Variants in ZSWIM5 observed in about 807,000 individuals in gnomAD.
The protein encoded by ZSWIM5 is zinc finger SWIM-type containing 5, also known as zinc finger SWIM domain-containing protein 5.
ZSWIM5 carries 55 observed loss-of-function variants against 119.6 expected under a neutral mutation model. The ratio of observed to expected loss-of-function variants is 0.46; its 90% CI spans 0.37 to 0.58. ZSWIM5 has a LOEUF of 0.58. Ranked by LOEUF, ZSWIM5 falls within the 20% of genes least tolerant of loss-of-function variation. The pLI is 0.00. For missense variants in ZSWIM5, 1,193 were observed against 1,512.8 expected (o/e 0.79, Z 3.51); for synonymous variants, 537 against 606.9 (o/e 0.88, Z 1.69).
At chr1:45,100,351 G>A (rs1272184476) in intron 1 of ZSWIM5, among the ~76,000 whole-genome samples, 1 of 152,092 alleles carries the variant, frequency 6.6e-6, no homozygotes, top group Non-Finnish European at 1.5e-5. Flanking sequence ...GGGATGTGAA[G>A]GACCTCTTCA....
At chr1:45,144,254 A>G (rs1274812828) in intron 1 of ZSWIM5, among the ~76,000 whole-genome samples, 1 of 152,104 alleles carries the variant, frequency 6.6e-6, no homozygotes, top group African/African-American at 2.4e-5. Context: ...GCAGCCAGGC[A>G]TGGTGGTTCA....
At chr1:45,078,201 A>T (rs1645267069) in intron 2 of ZSWIM5, among the ~76,000 whole-genome samples, 1 of 152,238 alleles carries the variant, frequency 6.6e-6, no homozygotes, top group Non-Finnish European at 1.5e-5. Flanking sequence ...TTACAAAACT[A>T]TTAATTTGGG....
intron 2 of ZSWIM5, among the ~76,000 whole-genome samples, chr1:45,084,173 G>A (rs971266510): frequency 5.3e-5 from 8 of 152,164 alleles, no homozygotes; most frequent in Non-Finnish European, 7.3e-5. Flanking sequence ...GCTTCCCAAA[G>A]TACTGAGATT....
At chr1:45,125,765 C>CAA (rs77954473) in intron 1 of ZSWIM5, among the ~76,000 whole-genome samples, 1,697 of 111,884 alleles carry the variant, frequency 0.015, 32 homozygotes, top group African/African-American at 0.049. Context: ...CTCCGTTTCA[C>CAA]AAAAAAAAAA....
At chr1:45,152,407 G>A (rs1645802870) in intron 1 of ZSWIM5, among the ~76,000 whole-genome samples, 1 of 152,122 alleles carries the variant, frequency 6.6e-6, no homozygotes, top group South Asian at 2.1e-4. Context: ...AGAACCATCA[G>A]GAGTTGGTGA....
At chr1:45,039,496 G>A (rs1422430121) in intron 7 of ZSWIM5, among the ~76,000 whole-genome samples, 3 of 147,376 alleles carry the variant, frequency 2.0e-5, no homozygotes, top group Non-Finnish European at 4.5e-5. Context: ...AACAATTCTC[G>A]TGCCTCAGCC....
At chr1:45,126,284 C>A (rs1301572839) in intron 1 of ZSWIM5, among the ~76,000 whole-genome samples, 3 of 150,514 alleles carry the variant, frequency 2.0e-5, no homozygotes, top group African/African-American at 7.3e-5. Context: ...GATAAACCTT[C>A]AGCAAGAATG....
intron 2 of ZSWIM5, chr1:45,069,839 C>T: frequency 3.1e-6 from 1 of 317,836 alleles, no homozygotes. Context: ...CAATATGCTT[C>T]CTGTTTTTTC....
chr1:45,075,152 T>C (rs1173990247), intron 2 of ZSWIM5, among the ~76,000 whole-genome samples: 1 of 152,006 alleles, frequency 6.6e-6, no homozygotes, highest in East Asian at 1.9e-4. Flanking sequence ...TTGAGAATAA[T>C]CCATGTGCTG....
chr1:45,025,763 T>C (rs1644916955), intron 11 of ZSWIM5, among the ~76,000 whole-genome samples: 1 of 152,190 alleles, frequency 6.6e-6, no homozygotes, highest in Non-Finnish European at 1.5e-5. Context: ...TTGTGAGCAA[T>C]ATGTACAATC....
chr1:45,180,227 C>A (rs1312910874), intron 1 of ZSWIM5, among the ~76,000 whole-genome samples: 1 of 151,692 alleles, frequency 6.6e-6, no homozygotes, highest in African/African-American at 2.4e-5. Context: ...GCCACTCCCA[C>A]CCGAATACTG....
chr1:45,060,011 A>G, intron 3 of ZSWIM5, 88 bp downstream of exon 3: 1 of 1,474,472 alleles, frequency 6.8e-7, no homozygotes, highest in Non-Finnish European at 9.3e-7. Flanking sequence ...AGCTAGGTAT[A>G]ATGCATGAAG....
At chr1:45,035,621 C>G (rs1557742475) in intron 10 of ZSWIM5, 67 bp downstream of exon 10, 2 of 1,564,980 alleles carry the variant, frequency 1.3e-6, no homozygotes, top group Non-Finnish European at 1.7e-6. Context: ...GTGAAATAAG[C>G]AATGAAAAAG....
intron 1 of ZSWIM5, among the ~76,000 whole-genome samples, chr1:45,159,079 C>T (rs1645847826): frequency 6.6e-6 from 1 of 152,048 alleles, no homozygotes; most frequent in African/African-American, 2.4e-5. Context: ...ATTTCACCTC[C>T]TATAGAGATT....
chr1:45,060,212 C>A lies in ZSWIM5; in HGVS notation c.988G>T (p.Asp330Tyr). 2 of 1,614,086 alleles carry A rather than the reference C, an allele frequency of 1.2e-6. No individual in the cohort carries two copies. Among genetic ancestry groups the A allele is most frequent in the Non-Finnish European group, 1.7e-6 (2 of 1,180,026 alleles). The change falls in exon 3 of 14, where the codon GAT becomes TAT. Residue 330 changes from aspartate to tyrosine, a missense_variant. Transcript: ENST00000359600. ...PDPTAGASID[D>Y]ENCWHLDEEQ... The stretch of plus-strand genomic sequence containing the variant: ...TCATCCAAATGCCAACAGTTCTCAT[C>A]GTCAATGCTGGCCCCAGCTGTGGGG...
chr1:45,078,301 G>A (rs948357620), intron 2 of ZSWIM5, among the ~76,000 whole-genome samples: 12 of 152,170 alleles, frequency 7.9e-5, no homozygotes, highest in Admixed American at 2.0e-4. Context: ...CTGACTTCCC[G>A]CAACACCTGT....
At chr1:45,178,293 G>A (rs764152298) in intron 1 of ZSWIM5, among the ~76,000 whole-genome samples, 7 of 152,054 alleles carry the variant, frequency 4.6e-5, no homozygotes, top group East Asian at 1.9e-4. Flanking sequence ...GTGTGGTGGC[G>A]CATGCCTGTG....
At chr1:45,186,721 C>A (rs1181106858) in intron 1 of ZSWIM5, among the ~76,000 whole-genome samples, 1 of 152,124 alleles carries the variant, frequency 6.6e-6, no homozygotes, top group Non-Finnish European at 1.5e-5. Context: ...CACCAAGTAG[C>A]TGGGATTACA....
At chr1:45,150,102 C>T (rs182459727) in intron 1 of ZSWIM5, among the ~76,000 whole-genome samples, 6 of 145,072 alleles carry the variant, frequency 4.1e-5, no homozygotes, top group South Asian at 4.4e-4. Context: ...CCCAGGAGTT[C>T]GAGGCTGCAA....
Sources: gnomAD v4.1 joint callset for allele counts (sites outside exome capture counted in the v4.1 genomes callset) on GRCh38, gnomAD v4.1.1 for gene constraint, MANE v1.5 for transcripts, NCBI Gene and HGNC (gene_info 2026-07-23, HGNC 2026-07-21) for gene names.